ALDH1A3: variants seen among roughly 807,000 people sequenced by gnomAD.
The protein encoded by ALDH1A3 is retinaldehyde dehydrogenase 3.
A neutral mutation model predicts 57.5 loss-of-function variants in ALDH1A3; 28 were observed. That is an observed-to-expected ratio of 0.49 (90% CI 0.36 to 0.67). ALDH1A3 has a LOEUF of 0.67. Ranked by LOEUF, ALDH1A3 falls within the 30% of genes least tolerant of loss-of-function variation. The pLI is 0.00. For synonymous variants in ALDH1A3, 281 were observed against 264.8 expected (o/e 1.06, Z -0.59); for missense variants, 507 against 669.4 (o/e 0.76, Z 2.68).
chr15:100,890,536 A>T (rs2041638311), intron 3 of ALDH1A3, among the ~76,000 whole-genome samples: 1 of 152,180 alleles, frequency 6.6e-6, no homozygotes. Flanking sequence ...TGACAATAAA[A>T]ACAAATAGCA....
intron 1 of ALDH1A3, 24 bp from the exon 2 acceptor site, chr15:100,885,243 G>T: frequency 1.3e-6 from 2 of 1,511,606 alleles, no homozygotes; most frequent in South Asian, 2.2e-5. Flanking sequence ...AAACCTAATT[G>T]GTTACACTTC....
At chr15:100,883,541 G>A (rs1341241783) in intron 1 of ALDH1A3, among the ~76,000 whole-genome samples, 2 of 152,136 alleles carry the variant, frequency 1.3e-5, no homozygotes, top group Admixed American at 6.5e-5. Flanking sequence ...CAAACTGGGG[G>A]GCAGCTGGTC....
At chr15:100,898,760 G>A (rs1316796739) in intron 8 of ALDH1A3, among the ~76,000 whole-genome samples, 1 of 152,232 alleles carries the variant, frequency 6.6e-6, no homozygotes, top group African/African-American at 2.4e-5. Flanking sequence ...AACCTGCCCA[G>A]CAGTTTGGGG....
At chr15:100,884,513 T>C (rs948463712) in intron 1 of ALDH1A3, among the ~76,000 whole-genome samples, 27 of 152,136 alleles carry the variant, frequency 1.8e-4, no homozygotes, top group Admixed American at 6.5e-4. Flanking sequence ...CCCAGACATT[T>C]AACTTTGTAC....
chr15:100,881,664 T>C (rs2041549073), intron 1 of ALDH1A3, among the ~76,000 whole-genome samples: 1 of 152,148 alleles, frequency 6.6e-6, no homozygotes, highest in Non-Finnish European at 1.5e-5. Flanking sequence ...TCTTGGTGGG[T>C]GCGCAACCTT....
In ALDH1A3 at chr15:100,915,344, T is replaced by C. The variant is rs2141579670; in HGVS notation, c.*571T>C. On this transcript the variant is annotated 3_prime_UTR_variant, in exon 13 of 13. Transcript: ENST00000329841. ...AAAGGATTTCACAGTGAGAAAGTTTTGGTTAGTGCATACCGTGGAAGGGCG... is the reference window on the plus strand; with the variant it reads ...AAAGGATTTCACAGTGAGAAAGTTTCGGTTAGTGCATACCGTGGAAGGGCG... 6.5e-6 allele frequency: 1 copy of C among 153,230 alleles called. No individual in the cohort carries two copies. The highest frequency in any genetic ancestry group is 2.4e-5 in the African/African-American group (1 of 41,590). 9.5% of individuals were successfully genotyped at this position (153,230 alleles called of 1,614,324 possible).
chr15:100,903,181 C>T lies in ALDH1A3; in HGVS notation c.1069-2342C>T, dbSNP rs145217088. Among the ~76,000 whole-genome samples the T allele has an allele frequency of 8.9e-3, 1,122 of 126,262 alleles. 21 individuals carry two copies. Among genetic ancestry groups the T allele is most frequent in the African/African-American group, 0.032 (1,067 of 33,732 alleles). 82.8% of individuals were successfully genotyped at this position (126,262 alleles called of 152,430 possible). On this transcript the variant is annotated intron_variant, in intron 9 of 12. Coordinates refer to ENST00000329841, the MANE Select transcript of ALDH1A3 (RefSeq NM_000693.4). ...CCCACCTTTGTACACCTGGTTCTTA[C>T]CCTTCTCCCCACGGTATCCCCAGTT...
chr15:100,903,624 C>T (rs534165282), intron 9 of ALDH1A3, among the ~76,000 whole-genome samples: 11 of 152,326 alleles, frequency 7.2e-5, no homozygotes, highest in African/African-American at 2.4e-4. Flanking sequence ...GCTGAACCAA[C>T]GTGTATTCCT....
chr15:100,892,889 GT>G, intron 4 of ALDH1A3, 55 bp from the exon 5 acceptor site: 1 of 1,570,636 alleles, frequency 6.4e-7, no homozygotes, highest in Non-Finnish European at 8.7e-7. Context: ...ACTACTTGAA[GT>G]TCCTAACCTG....
chr15:100,898,299 G>A (rs2041730487), intron 8 of ALDH1A3, 114 bp downstream of exon 8: 6 of 878,742 alleles, frequency 6.8e-6, no homozygotes, highest in African/African-American at 5.0e-5. Flanking sequence ...CACACACAGT[G>A]GGGACGCTTC....
chr15:100,910,024 G>A (rs1050444224), intron 12 of ALDH1A3, among the ~76,000 whole-genome samples: 26 of 152,182 alleles, frequency 1.7e-4, no homozygotes, highest in Non-Finnish European at 7.3e-5. Flanking sequence ...CCTTTGTGTG[G>A]CTCTCTTTTG....
chr15:100,893,049 G>T lies in ALDH1A3; in HGVS notation c.537+43G>T, dbSNP rs370738952. 119 of 1,542,200 alleles carry T rather than the reference G, an allele frequency of 7.7e-5. No individual in the cohort carries two copies. The highest frequency in any genetic ancestry group is 1.0e-4 in the Non-Finnish European group (114 of 1,121,824). On this transcript the variant is annotated intron_variant, in intron 5 of 12. Coordinates refer to ENST00000329841, the MANE Select transcript of ALDH1A3 (RefSeq NM_000693.4). This position sits in a 1 kb window ranked among gnomAD's most constrained non-coding sequence, Gnocchi z 4.8. ...TCTCAGTAGATTCTATGTAGATCCT[G>T]CCCCACTGCCCTGTGTCCTTTGGAA... is the stretch of plus-strand genomic sequence containing the variant.
At position 100,893,929 on chromosome 15, in the gene ALDH1A3, C is replaced by T. The variant is rs2041675984; in HGVS notation, c.538-25C>T. 2.5e-6 allele frequency: 4 copies of T among 1,612,070 alleles called. No individual in the cohort carries two copies. In the African/African-American group the frequency reaches 5.3e-5, roughly 22 times the overall value. ...AGGGTAAGAGGGTGGATCTGGGCCT[C>T]CAAAGCCCCTGTGCTCTGTCGCAGT... On this transcript the variant is annotated intron_variant, in intron 5 of 12. Coordinates refer to ENST00000329841, the MANE Select transcript of ALDH1A3 (RefSeq NM_000693.4). The surrounding 1 kb of genome is among the most constrained non-coding windows in gnomAD (Gnocchi z 4.8).
At chr15:100,912,827 C>T (rs1249139024) in intron 12 of ALDH1A3, among the ~76,000 whole-genome samples, 1 of 152,176 alleles carries the variant, frequency 6.6e-6, no homozygotes, top group African/African-American at 2.4e-5. Flanking sequence ...GGTTCTCCAA[C>T]TTGAGTATGC....
chr15:100,895,976 G>C lies in ALDH1A3; in HGVS notation c.710G>C (p.Gly237Ala). ...PGVVNIVPGF[G>A]PTVGAAISSH... Reference sequence around the variant, plus strand: ...GTGGTGAACATTGTGCCAGGATTCGGGCCCACAGTGGGAGCAGCAATTTCT... The same window carrying C: ...GTGGTGAACATTGTGCCAGGATTCGCGCCCACAGTGGGAGCAGCAATTTCT... The change falls in exon 7 of 13, where the codon GGG (glycine) becomes GCG (alanine). Residue 237 changes from glycine (G) to alanine (A), a missense_variant. Coordinates refer to ENST00000329841, the MANE Select transcript of ALDH1A3 (RefSeq NM_000693.4). 1 of 1,613,772 alleles carries C rather than the reference G, an allele frequency of 6.2e-7. No homozygotes were observed. The highest frequency in any genetic ancestry group is 8.5e-7 in the Non-Finnish European group (1 of 1,179,872).
intron 8 of ALDH1A3, among the ~76,000 whole-genome samples, chr15:100,899,913 C>T (rs1327988544): frequency 2.6e-5 from 4 of 152,164 alleles, no homozygotes; most frequent in African/African-American, 2.4e-5. Context: ...AGCAATAGTG[C>T]GGGGGTTGGT....
rs757942198 is a variant in ALDH1A3, at chr15:100,896,020, A to G, written c.754A>G (p.Lys252Glu). The change falls in exon 7 of 13, where the codon AAG (lysine) becomes GAG (glutamate). Residue 252 changes from lysine (K) to glutamate (E), a missense_variant. Physicochemically the swap from Lys to Glu is moderately conservative, Grantham distance 56. Around this residue, in one of 2 missense-constraint regions of ALDH1A3, gnomAD observed 432 missense variants for 608.4 expected, o/e 0.71. Transcript: ENST00000329841. ...AATTTCTTCTCACCCTCAGATCAAC[A>G]AGATCGCCTTCACCGGCTCCACAGA... ...AAISSHPQIN[K>E]IAFTGSTEVG... The G allele has an allele frequency of 1.9e-6, 3 of 1,612,580 alleles. No individual in the cohort carries two copies. Among genetic ancestry groups the G allele is most frequent in the Non-Finnish European group, 2.5e-6 (3 of 1,179,332 alleles).
rs533133047 is a variant in ALDH1A3 at position 100,915,036 on chromosome 15, A to T, written c.*263A>T. The T allele has an allele frequency of 7.4e-5, 35 of 475,856 alleles. No homozygotes were observed. Among genetic ancestry groups the T allele is most frequent in the African/African-American group, 4.1e-4 (21 of 51,618 alleles). 29.5% of individuals were successfully genotyped at this position (475,856 alleles called of 1,614,324 possible). A position where few individuals can be genotyped will look rare whatever the true frequency, so the allele number is the denominator to read the frequency against. On this transcript the variant is annotated 3_prime_UTR_variant, in exon 13 of 13. Coordinates refer to ENST00000329841, the MANE Select transcript of ALDH1A3 (RefSeq NM_000693.4). Reference sequence around the variant, plus strand: ...ATTTCTGTGTTTCCCTTTAAACCAGATCCTGGAGACAGTGAGATACTCAGG... The same window carrying T: ...ATTTCTGTGTTTCCCTTTAAACCAGTTCCTGGAGACAGTGAGATACTCAGG...
rs2041632004 is a variant in ALDH1A3, at chr15:100,889,861, A to G, written c.345+2149A>G. On this transcript the variant is annotated intron_variant, in intron 3 of 12. Coordinates refer to ENST00000329841, the MANE Select transcript of ALDH1A3 (RefSeq NM_000693.4). This position sits in a 1 kb window ranked among gnomAD's most constrained non-coding sequence, Gnocchi z 5.1. ...TGCCACAACATGAAAGGGACAAGAG[A>G]ATTACTGGCAAACACGGTTTTTAAA... 6.6e-6 allele frequency among the ~76,000 whole-genome samples: 1 copy of G among 152,180 alleles called. No homozygotes were observed. The highest frequency in any genetic ancestry group is 6.5e-5 in the Admixed American group (1 of 15,288).
Sources: allele counts gnomAD v4.1 joint callset (sites outside exome capture counted in the v4.1 genomes callset), GRCh38; gene constraint gnomAD v4.1.1; regional missense constraint gnomAD v4.1.1; non-coding constraint Gnocchi (gnomAD v3.1); transcripts MANE v1.5; gene names NCBI Gene and HGNC (gene_info 2026-07-23, HGNC 2026-07-21).